The following CAMK2B variants were observed in gnomAD, a reference collection of about 807,000 sequenced individuals.
The protein encoded by CAMK2B is calcium/calmodulin dependent protein kinase II beta, also known as calcium/calmodulin-dependent protein kinase type II subunit beta.
Under a neutral mutation model 93.7 loss-of-function variants are expected in CAMK2B, and 27 were observed. The observed-to-expected ratio is 0.29, with a 90% CI of 0.21 to 0.40. The LOEUF (loss-of-function observed/expected upper bound fraction) is 0.40, where lower values mean the gene tolerates loss of function less well. CAMK2B is among the 10% of genes least tolerant of loss of function. CAMK2B has a pLI of 1.00. For synonymous variants in CAMK2B, 374 were observed against 358.8 expected (o/e 1.04, Z -0.48); for missense variants, 568 against 895.8 (o/e 0.63, Z 4.67).
chr7:44,226,541 A>T lies in CAMK2B; in HGVS notation c.1572T>A (p.Thr524=). 6.8e-7 allele frequency: 1 copy of T among 1,468,938 alleles called. No homozygotes were observed. Among genetic ancestry groups the T allele is most frequent in the South Asian group, 1.4e-5 (1 of 69,144 alleles). The allele number at this position is 1,468,938 out of a possible 1,614,324, so 91.0% of individuals were successfully genotyped here. A position where few individuals can be genotyped will look rare whatever the true frequency, so the allele number is the denominator to read the frequency against. Residue 524 remains threonine (T), a synonymous_variant, in exon 20 of 24, where the codon ACT becomes ACA. Transcript: ENST00000395749. ...ATGGGGTGGGCAGGGGGCCAGGGAT[A>T]GTCGGAGATGGGCAGGGCGGGGGCC... The part of the protein sequence containing the change: ...PVGPPPCPSP[T]IPGPLPTPSR...
At chr7:44,278,467 G>A (rs908543100) in intron 2 of CAMK2B, among the ~76,000 whole-genome samples, 2 of 152,086 alleles carry the variant, frequency 1.3e-5, no homozygotes, top group African/African-American at 4.8e-5. Context: ...AAGCTCTGGG[G>A]CTCCATCCAA....
intron 2 of CAMK2B, among the ~76,000 whole-genome samples, chr7:44,270,350 T>A (rs1459204609): frequency 6.6e-6 from 1 of 152,114 alleles, no homozygotes; most frequent in Non-Finnish European, 1.5e-5. Context: ...CTGTGTACTG[T>A]GCCAGCGTCT....
intron 17 of CAMK2B, 149 bp from the exon 18 acceptor site, chr7:44,229,650 G>C (rs1015177939): frequency 4.2e-6 from 2 of 477,230 alleles, no homozygotes; most frequent in East Asian, 7.4e-5. Flanking sequence ...GTGGCCACCT[G>C]TGGGGGTCCT....
intron 13 of CAMK2B, among the ~76,000 whole-genome samples, chr7:44,237,893 G>A (rs2096641031): frequency 6.6e-6 from 1 of 152,166 alleles, no homozygotes; most frequent in African/African-American, 2.4e-5. Flanking sequence ...GGCAACTGCT[G>A]CCACCCTGCA....
rs1254626227 is a variant in CAMK2B at position 44,217,754 on chromosome 7, A to G, written c.*1771T>C. The G allele has an allele frequency of 2.6e-5, 4 of 152,274 alleles. No individual in the cohort carries two copies. Among genetic ancestry groups the G allele is most frequent in the Non-Finnish European group, 5.9e-5 (4 of 68,070 alleles). The allele number at this position is 152,274 out of a possible 1,614,324, so 9.4% of individuals were successfully genotyped here. A position where few individuals can be genotyped will look rare whatever the true frequency, so the allele number is the denominator to read the frequency against. ...CCCTTGGCTTGATTTGTAGGGGAAG[A>G]TAAAGAAAATCCTTGTTGAAAACAA... On this transcript the variant is annotated 3_prime_UTR_variant, in exon 24 of 24. Coordinates refer to ENST00000395749, the MANE Select transcript of CAMK2B (RefSeq NM_001220.5).
chr7:44,257,524 C>T (rs1220442894), intron 4 of CAMK2B, among the ~76,000 whole-genome samples: 2 of 152,262 alleles, frequency 1.3e-5, no homozygotes, highest in Non-Finnish European at 2.9e-5. Context: ...CACCCCCCAC[C>T]CCACAGTCTC....
rs572603050 is a variant in CAMK2B, at chr7:44,267,874, C to G, written c.161-4810G>C. 13 of 152,366 alleles carry G rather than the reference C, an allele frequency of 8.5e-5. No individual in the cohort carries two copies. The East Asian group carries it at 2.1e-3, about 25-fold the overall frequency. 9.4% of individuals were successfully genotyped at this position (152,366 alleles called of 1,614,324 possible). ...TGCCTGCTTAATTCTAATGATAGTGCGACATCCTCAGATTCCAGCCCTCGG... is the reference window on the plus strand; with the variant it reads ...TGCCTGCTTAATTCTAATGATAGTGGGACATCCTCAGATTCCAGCCCTCGG... On this transcript the variant is annotated intron_variant, in intron 2 of 23. Coordinates refer to ENST00000395749, the MANE Select transcript of CAMK2B (RefSeq NM_001220.5).
At chr7:44,295,149 C>T (rs1787956937) in intron 1 of CAMK2B, among the ~76,000 whole-genome samples, 1 of 152,164 alleles carries the variant, frequency 6.6e-6, no homozygotes, top group South Asian at 2.1e-4. Context: ...AGGTGCCTAC[C>T]TCAAATCACA....
At chr7:44,318,512 G>A (rs1795333031) in intron 1 of CAMK2B, among the ~76,000 whole-genome samples, 1 of 152,248 alleles carries the variant, frequency 6.6e-6, no homozygotes, top group Non-Finnish European at 1.5e-5. Context: ...AATTCAGGGT[G>A]TGTTGGGTGA....
At chr7:44,220,401 G>C in intron 22 of CAMK2B, 107 bp from the exon 23 acceptor site, 2 of 958,906 alleles carry the variant, frequency 2.1e-6, no homozygotes, top group Non-Finnish European at 3.2e-6. Flanking sequence ...CCCCTTATTG[G>C]GGAGGCTCGG....
chr7:44,284,849 G>A (rs1348163926), intron 1 of CAMK2B, among the ~76,000 whole-genome samples: 1 of 152,164 alleles, frequency 6.6e-6, no homozygotes, highest in Non-Finnish European at 1.5e-5. Context: ...CCACTGTCCA[G>A]GTGTCAACGC....
intron 6 of CAMK2B, 48 bp from the exon 7 acceptor site, chr7:44,243,575 G>A: frequency 2.0e-6 from 3 of 1,484,440 alleles, no homozygotes; most frequent in Admixed American, 1.7e-5. Context: ...TAAACCCAGA[G>A]GTGTTATGTG....
chr7:44,242,375 A>G (rs1370191784), intron 9 of CAMK2B, 35 bp from the exon 10 acceptor site: 1 of 1,601,456 alleles, frequency 6.2e-7, no homozygotes, highest in African/African-American at 1.3e-5. Context: ...CCGGGCCTGA[A>G]GCTCCCTCTC....
At chr7:44,306,882 GGAGGGTGTGAGCAGGAAGAC>G (rs1791787178) in intron 1 of CAMK2B, among the ~76,000 whole-genome samples, 1 of 144,264 alleles carries the variant, frequency 6.9e-6, no homozygotes, top group Non-Finnish European at 1.6e-5. Context: ...AGCAGGAGGA[GGAGGGTGTGAGCAGGAAGAC>G]GGTGTGAGCA....
intron 4 of CAMK2B, among the ~76,000 whole-genome samples, 161 bp from the exon 5 acceptor site, chr7:44,254,768 C>T (rs79330647): frequency 0.011 from 1 of 92 alleles, no homozygotes; most frequent in Non-Finnish European, 0.024. Flanking sequence ...ATCATCACCA[C>T]CACCAACTAC....
Position 44,271,709 on chromosome 7 carries a change from C to G in CAMK2B, c.161-8645G>C, listed in dbSNP as rs1323551342. Among the ~76,000 whole-genome samples, 1 of 152,194 alleles carries G rather than the reference C, an allele frequency of 6.6e-6. No homozygotes were observed. The highest frequency in any genetic ancestry group is 1.5e-5 in the Non-Finnish European group (1 of 68,042). On this transcript the variant is annotated intron_variant, in intron 2 of 23. Coordinates refer to ENST00000395749, the MANE Select transcript of CAMK2B (RefSeq NM_001220.5). The surrounding 1 kb of genome is among the most constrained non-coding windows in gnomAD (Gnocchi z 4.2). ...CCTCTCCTCTGACTCTCCTCCCTGG[C>G]TGGTAAATGTGAAGTAGAACCAGTC...
intron 20 of CAMK2B, 64 bp from the exon 21 acceptor site, chr7:44,220,965 C>T: frequency 2.1e-6 from 3 of 1,398,756 alleles, no homozygotes; most frequent in South Asian, 2.5e-5. Context: ...CCCCTCCACA[C>T]AGCCCAGGGG....
intron 2 of CAMK2B, among the ~76,000 whole-genome samples, chr7:44,281,641 C>G (rs976611069): frequency 6.6e-6 from 1 of 152,174 alleles, no homozygotes; most frequent in African/African-American, 2.4e-5. Context: ...CCCCCAGCAC[C>G]CCAATCACCC....
intron 1 of CAMK2B, chr7:44,323,794 C>T (rs561056101): frequency 2.7e-4 from 42 of 155,644 alleles, no homozygotes; most frequent in Admixed American, 5.2e-4. Flanking sequence ...GAACCAGGCA[C>T]ATTAACTGCC....
Sources: gnomAD v4.1 joint callset for allele counts (sites outside exome capture counted in the v4.1 genomes callset) on GRCh38, gnomAD v4.1.1 for gene constraint, Gnocchi (gnomAD v3.1) non-coding constraint, MANE v1.5 for transcripts, NCBI Gene and HGNC (gene_info 2026-07-23, HGNC 2026-07-21) for gene names.